The following SMCHD1 variants were observed in gnomAD, a reference collection of about 807,000 sequenced individuals.
The protein encoded by SMCHD1 is structural maintenance of chromosomes flexible hinge domain containing 1.
In SMCHD1, 78 loss-of-function variants were observed where a neutral mutation model predicts 254.7. The ratio of observed to expected loss-of-function variants is 0.31; its 90% confidence interval spans 0.26 to 0.37. The LOEUF (loss-of-function observed/expected upper bound fraction) is 0.37. Among genes scored for constraint, SMCHD1 ranks in the 10% least tolerant of loss-of-function variants. The probability of loss-of-function intolerance (pLI) is 1.00; values close to 1 mark genes in which losing one functional copy is unlikely to be tolerated. For missense variants in SMCHD1, 1,840 were observed against 2,408.1 expected (o/e 0.76, Z 4.94); for synonymous variants, 766 against 794.9 (o/e 0.96, Z 0.61).
chr18:2,656,735 A>G (rs2073072205), intron 1 of SMCHD1, among the ~76,000 whole-genome samples: 2 of 152,182 alleles, frequency 1.3e-5, no homozygotes, highest in Non-Finnish European at 2.9e-5. Context: ...CAAGTTCATT[A>G]GATGATGCGG....
intron 17 of SMCHD1, among the ~76,000 whole-genome samples, chr18:2,710,319 G>T (rs1306242519): frequency 6.6e-6 from 1 of 152,192 alleles, no homozygotes. Context: ...AAATGAGGAG[G>T]TGTGAGTCCT....
intron 5 of SMCHD1, among the ~76,000 whole-genome samples, chr18:2,686,859 A>T (rs754500324): frequency 3.3e-5 from 5 of 151,912 alleles, no homozygotes; most frequent in Non-Finnish European, 5.9e-5. Context: ...ATATATGAGG[A>T]TAGGACTTTT....
At chr18:2,747,354 AGG>A (rs944564677) in intron 29 of SMCHD1, among the ~76,000 whole-genome samples, 166 bp from the exon 30 acceptor site, 9 of 152,182 alleles carry the variant, frequency 5.9e-5, no homozygotes, top group Admixed American at 5.2e-4. Flanking sequence ...TTTTGATAAG[AGG>A]GTCACACAAT....
intron 17 of SMCHD1, among the ~76,000 whole-genome samples, chr18:2,713,609 T>G (rs1048597870): frequency 2.6e-5 from 4 of 152,130 alleles, no homozygotes; most frequent in Non-Finnish European, 5.9e-5. Flanking sequence ...CACTTGAACC[T>G]GGGAGGCAGA....
intron 45 of SMCHD1, chr18:2,784,877 T>C (rs1945021648): frequency 2.0e-6 from 1 of 503,846 alleles, no homozygotes; most frequent in Non-Finnish European, 3.8e-6. Context: ...CTCAGGAGGC[T>C]AAGACAAGAG....
At chr18:2,776,894 TA>T (rs982668672) in intron 42 of SMCHD1, among the ~76,000 whole-genome samples, 16 of 151,960 alleles carry the variant, frequency 1.1e-4, no homozygotes, top group Non-Finnish European at 1.9e-4. Context: ...TTGATAAGGG[TA>T]ATACTTTTTC....
At chr18:2,797,179 A>G (rs1444139391) in intron 47 of SMCHD1, among the ~76,000 whole-genome samples, 1 of 152,198 alleles carries the variant, frequency 6.6e-6, no homozygotes, top group Non-Finnish European at 1.5e-5. Flanking sequence ...TTTGTAAATC[A>G]CTTATTTTAA....
At chr18:2,742,961 A>G (rs997153947) in intron 28 of SMCHD1, among the ~76,000 whole-genome samples, 1 of 152,190 alleles carries the variant, frequency 6.6e-6, no homozygotes, top group African/African-American at 2.4e-5. Context: ...GTCAGGAGCC[A>G]CTGTGCCTGG....
intron 37 of SMCHD1, among the ~76,000 whole-genome samples, chr18:2,768,904 C>T (rs1037309725): frequency 6.6e-6 from 1 of 151,786 alleles, no homozygotes; most frequent in Non-Finnish European, 1.5e-5. Context: ...TAATGGTGGG[C>T]TTGTATTCTA....
At chr18:2,729,080 G>C (rs1361836407) in intron 23 of SMCHD1, among the ~76,000 whole-genome samples, 195 bp from the exon 24 acceptor site, 2 of 152,044 alleles carry the variant, frequency 1.3e-5, no homozygotes, top group Non-Finnish European at 2.9e-5. Flanking sequence ...TTCCAAAACA[G>C]ATAAATTTTA....
At chr18:2,705,848 TA>T in intron 14 of SMCHD1, 41 bp downstream of exon 14, 1 of 1,220,406 alleles carries the variant, frequency 8.2e-7, no homozygotes, top group Non-Finnish European at 1.2e-6. Flanking sequence ...AGTTTCTTGA[TA>T]ACACTTTTGC....
Position 2,697,063 on chromosome 18 carries a change from A to G in SMCHD1, c.1072A>G (p.Lys358Glu). Residue 358 changes from lysine to glutamate, a missense_variant, in exon 9 of 48, where the codon AAA becomes GAA. Lys to Glu is a moderately conservative substitution (Grantham distance 56, BLOSUM62 1). This residue lies in a region of SMCHD1 where 498 missense variants were observed against 743.5 expected (regional missense o/e 0.67). Transcript: ENST00000320876. ...TTATCACTACTATATTCATGGCCCAAAAGGAAATGAAATACGAACATCAAA... is the reference window on the plus strand; with the variant it reads ...TTATCACTACTATATTCATGGCCCAGAAGGAAATGAAATACGAACATCAAA... ...HIYHYYIHGP[K>E]GNEIRTSKEV... The G allele has an allele frequency of 6.6e-7, 1 of 1,504,792 alleles. No individual in the cohort carries two copies. Among genetic ancestry groups the G allele is most frequent in the Admixed American group, 2.2e-5 (1 of 45,082 alleles). 93.2% of individuals were successfully genotyped at this position (1,504,792 alleles called of 1,614,324 possible). A position where few individuals can be genotyped will look rare whatever the true frequency, so the allele number is the denominator to read the frequency against.
At chr18:2,658,859 C>CAT (rs1160935959) in intron 1 of SMCHD1, among the ~76,000 whole-genome samples, 3 of 150,140 alleles carry the variant, frequency 2.0e-5, no homozygotes, top group Non-Finnish European at 4.4e-5. Flanking sequence ...TGTATATATA[C>CAT]ATATATATAC....
chr18:2,669,952 TA>T (rs1268796954), intron 3 of SMCHD1, among the ~76,000 whole-genome samples: 5 of 152,220 alleles, frequency 3.3e-5, no homozygotes, highest in Non-Finnish European at 5.9e-5. Flanking sequence ...CTCAATGTTT[TA>T]TCTTAAAATG....
intron 28 of SMCHD1, among the ~76,000 whole-genome samples, chr18:2,742,595 C>T (rs980258298): frequency 6.6e-6 from 1 of 152,162 alleles, no homozygotes; most frequent in African/African-American, 2.4e-5. Context: ...GATTATTTTA[C>T]AGTGACTTTT....
At chr18:2,682,311 C>A (rs1244882852) in intron 5 of SMCHD1, among the ~76,000 whole-genome samples, 2 of 144,034 alleles carry the variant, frequency 1.4e-5, no homozygotes, top group African/African-American at 2.9e-5. Context: ...TTTCTTTCTT[C>A]TTCTTTTTTT....
chr18:2,688,488 T>C lies in SMCHD1; in HGVS notation c.733T>C (p.Phe245Leu), dbSNP rs781330410. Residue 245 changes from phenylalanine (F) to leucine (L), a missense_variant, in exon 6 of 48, where the codon TTT becomes CTT. By Grantham distance (22) the Phe-to-Leu change is conservative (BLOSUM62 0). This residue lies in a region of SMCHD1 where 498 missense variants were observed against 743.5 expected (regional missense o/e 0.67). Coordinates refer to ENST00000320876, the MANE Select transcript of SMCHD1 (RefSeq NM_015295.3). ...FGVGGKQAVF[F>L]VGQSARMISK... ...TGTTGGGGGCAAGCAAGCTGTCTTCTTTGTTGGACAATCAGCCAGAGTAAG... is the reference window on the plus strand; with the variant it reads ...TGTTGGGGGCAAGCAAGCTGTCTTCCTTGTTGGACAATCAGCCAGAGTAAG... 6.2e-7 allele frequency: 1 copy of C among 1,613,474 alleles called. No homozygotes were observed. Among genetic ancestry groups the C allele is most frequent in the Non-Finnish European group, 8.5e-7 (1 of 1,179,458 alleles).
chr18:2,735,102 G>A (rs1249704058), intron 25 of SMCHD1, among the ~76,000 whole-genome samples: 2 of 151,270 alleles, frequency 1.3e-5, no homozygotes, highest in African/African-American at 4.9e-5. Context: ...CGAACAAGTA[G>A]GCTTTATTTT....
At position 2,688,382 on chromosome 18, in the gene SMCHD1, G is replaced by A. The variant is rs1411224759; in HGVS notation, c.639-12G>A. 1 of 1,570,398 alleles carries A rather than the reference G, an allele frequency of 6.4e-7. No individual in the cohort carries two copies. Among genetic ancestry groups the A allele is most frequent in the South Asian group, 1.1e-5 (1 of 90,148 alleles). On this transcript the variant is annotated splice_polypyrimidine_tract_variant and intron_variant, in intron 5 of 47. Transcript: ENST00000320876. ...GCTTGTTTAAAATCACTGCATTAATGTTTTATTTTAGTGATCATTCAGGAT... is the reference window on the plus strand; with the variant it reads ...GCTTGTTTAAAATCACTGCATTAATATTTTATTTTAGTGATCATTCAGGAT...
Sources: gnomAD v4.1 joint callset for allele counts (sites outside exome capture counted in the v4.1 genomes callset) on GRCh38, gnomAD v4.1.1 for gene constraint, gnomAD v4.1.1 regional missense constraint, MANE v1.5 for transcripts, NCBI Gene and HGNC (gene_info 2026-07-23, HGNC 2026-07-21) for gene names.